The following ZKSCAN2 variants were observed in gnomAD, a reference collection of about 807,000 sequenced individuals.
ZKSCAN2 encodes the protein zinc finger protein with KRAB and SCAN domains 2.
ZKSCAN2 carries 38 observed loss-of-function variants against 90.5 expected under a neutral mutation model. The observed-to-expected ratio is 0.42, with a 90% CI of 0.32 to 0.55. The LOEUF (loss-of-function observed/expected upper bound fraction) is 0.55. ZKSCAN2 is among the 20% of genes least tolerant of loss of function. The pLI is 0.11. For synonymous variants in ZKSCAN2, 429 were observed against 421.6 expected, an observed-to-expected ratio of 1.02 and a Z score of -0.22; for missense variants, 1,167 against 1,202.6, an observed-to-expected ratio of 0.97 and a Z score of 0.44.
intron 4 of ZKSCAN2, among the ~76,000 whole-genome samples, chr16:25,247,675 G>A (rs772284635): frequency 3.9e-5 from 6 of 152,104 alleles, no homozygotes; most frequent in Non-Finnish European, 8.8e-5. Context: ...TCTCTCAGTA[G>A]CCAGTGTTGT....
chr16:25,251,343 A>T (rs1567353642), intron 4 of ZKSCAN2, among the ~76,000 whole-genome samples: 1 of 152,200 alleles, frequency 6.6e-6, no homozygotes, highest in Non-Finnish European at 1.5e-5. Context: ...GGGAAAAATA[A>T]TCTGTGACTT....
intron 6 of ZKSCAN2, among the ~76,000 whole-genome samples, chr16:25,241,014 T>A (rs1962844310): frequency 6.6e-6 from 1 of 152,198 alleles, no homozygotes; most frequent in African/African-American, 2.4e-5. Flanking sequence ...CTGGCTTATC[T>A]CCCTGAGGTT....
chr16:25,239,627 G>A lies in ZKSCAN2; in HGVS notation c.*189C>T, dbSNP rs1962816490. 1.8e-6 allele frequency: 1 copy of A among 543,154 alleles called. No homozygotes were observed. The highest frequency in any genetic ancestry group is 3.2e-6 in the Non-Finnish European group (1 of 311,742). The allele number at this position is 543,154 out of a possible 1,614,324, so 33.6% of individuals were successfully genotyped here. On this transcript the variant is annotated 3_prime_UTR_variant, in exon 7 of 7. Coordinates refer to ENST00000328086, the MANE Select transcript of ZKSCAN2 (RefSeq NM_001012981.5). ...GCCACATTCTTAAAGGAGAAGCTGA[G>A]ACACACAGAAGAGGAGGAACAGACT...
At position 25,244,220 on chromosome 16, in the gene ZKSCAN2, G is replaced by T; in HGVS notation, c.1546C>A (p.Arg516=). 6.2e-7 allele frequency: 1 copy of T among 1,614,118 alleles called. No individual in the cohort carries two copies. Residue 516 remains arginine, a synonymous_variant, in exon 6 of 7, where the codon CGG becomes AGG. Transcript: ENST00000328086. ...KTFLDILRET[R]FYEALQACHR... is the part of the protein sequence containing the mutation. ...CAGGCTTGAAGCGCTTCATAAAACC[G>T]AGTCTCACGGAGGATATCAAGAAAA...
chr16:25,244,169 C>A lies in ZKSCAN2; in HGVS notation c.1597G>T (p.Ala533Ser). 1 of 1,614,104 alleles carries A rather than the reference C, an allele frequency of 6.2e-7. No individual in the cohort carries two copies. The highest frequency in any genetic ancestry group is 8.5e-7 in the Non-Finnish European group (1 of 1,180,004). ...CACTCTCGAAGCTGTTCAGCTACAGCCCCATACAATTTGCTCTTCCGATGA... is the reference window on the plus strand; with the variant it reads ...CACTCTCGAAGCTGTTCAGCTACAGACCCATACAATTTGCTCTTCCGATGA... ...ACHRKSKLYG[A>S]VAEQLRECGF... The change falls in exon 6 of 7, where the codon GCT (alanine) becomes TCT (serine). Residue 533 changes from alanine (A) to serine (S), a missense_variant. Ala to Ser is a moderately conservative substitution (Grantham distance 99). Transcript: ENST00000328086.
chr16:25,249,581 C>G (rs1157480430), intron 4 of ZKSCAN2, among the ~76,000 whole-genome samples: 1 of 152,124 alleles, frequency 6.6e-6, no homozygotes, highest in Non-Finnish European at 1.5e-5. Context: ...CATGCCCTGC[C>G]TAGGTGATGG....
chr16:25,254,940 C>T (rs1205521821), intron 2 of ZKSCAN2, among the ~76,000 whole-genome samples: 1 of 151,648 alleles, frequency 6.6e-6, no homozygotes, highest in Non-Finnish European at 1.5e-5. Context: ...ACCACAGGTG[C>T]ACGCCAACAC....
chr16:25,240,021 G>T lies in ZKSCAN2; in HGVS notation c.2699C>A (p.Thr900Lys). The T allele has an allele frequency of 6.2e-7, 1 of 1,613,974 alleles. No individual in the cohort carries two copies. The highest frequency in any genetic ancestry group is 8.5e-7 in the Non-Finnish European group (1 of 1,179,972). ...TATTCTCCGATGTTCTCGAAATCTC[G>T]TACAGTTATTGAAACTTTTTTCACA... ...VDCEKSFNNC[T>K]RFREHRRIHT... The change falls in exon 7 of 7, where the codon ACG becomes AAG. Residue 900 changes from threonine to lysine, a missense_variant. Coordinates refer to ENST00000328086, the MANE Select transcript of ZKSCAN2 (RefSeq NM_001012981.5).
In ZKSCAN2 at chr16:25,256,837, T is replaced by C; in HGVS notation, c.291A>G (p.Leu97=). ...LLVIEQFLTI[L]PEKIQAWAQK... ...GTGCCCAAGCCTGAATCTTCTCGGG[T>C]AAAATGGTGAGAAACTGCTCAATCA... Residue 97 remains leucine, a synonymous_variant, in exon 1 of 7, where the codon TTA becomes TTG. Coordinates refer to ENST00000328086, the MANE Select transcript of ZKSCAN2 (RefSeq NM_001012981.5). 1 of 1,614,172 alleles carries C rather than the reference T, an allele frequency of 6.2e-7. No homozygotes were observed. Among genetic ancestry groups the C allele is most frequent in the Non-Finnish European group, 8.5e-7 (1 of 1,180,042 alleles).
In ZKSCAN2 at chr16:25,257,586, G is replaced by T; in HGVS notation, c.-459C>A. 1 of 894,700 alleles carries T rather than the reference G, an allele frequency of 1.1e-6. No individual in the cohort carries two copies. Among genetic ancestry groups the T allele is most frequent in the Non-Finnish European group, 1.3e-6 (1 of 747,250 alleles). 55.4% of individuals were successfully genotyped at this position (894,700 alleles called of 1,614,324 possible). A position where few individuals can be genotyped will look rare whatever the true frequency, so the allele number is the denominator to read the frequency against. ...GGCCCCGCCCGGCGCCAGGTTCCGG[G>T]CTCGGGTCACCGCAGCACGTCCAGG... On this transcript the variant is annotated 5_prime_UTR_variant, in exon 1 of 7. Coordinates refer to ENST00000328086, the MANE Select transcript of ZKSCAN2 (RefSeq NM_001012981.5).
chr16:25,246,533 C>T (rs1056214458), intron 5 of ZKSCAN2, 174 bp downstream of exon 5: 1 of 654,750 alleles, frequency 1.5e-6, no homozygotes, highest in Non-Finnish European at 2.6e-6. Flanking sequence ...ACTCTGACTG[C>T]AATGGGGGCA....
rs765885053 is a variant in ZKSCAN2 at position 25,243,935 on chromosome 16, C to A, written c.1831G>T (p.Val611Phe). The change falls in exon 6 of 7, where the codon GTT (valine) becomes TTT (phenylalanine). Residue 611 changes from valine (V) to phenylalanine (F), a missense_variant. Physicochemically the swap from Val to Phe is conservative, Grantham distance 50. Coordinates refer to ENST00000328086, the MANE Select transcript of ZKSCAN2 (RefSeq NM_001012981.5). The part of the protein sequence containing the change: ...PSRQERGGIE[V>F]EPQEPTGWEP... ...CAGCCTGTAGGTTCCTGGGGTTCAA[C>A]CTCAATACCCCCTCTTTCTTGCCTT... The A allele has an allele frequency of 2.5e-6, 4 of 1,614,024 alleles. No individual in the cohort carries two copies. The highest frequency in any genetic ancestry group is 1.7e-5 in the Admixed American group (1 of 59,986).
intron 5 of ZKSCAN2, 30 bp downstream of exon 5, chr16:25,246,677 C>T (rs1157250107): frequency 6.2e-7 from 1 of 1,611,478 alleles, no homozygotes; most frequent in Non-Finnish European, 8.5e-7. Flanking sequence ...CATCTGTTTT[C>T]CTACCAGAGA....
chr16:25,254,996 GT>G (rs1963076559), intron 2 of ZKSCAN2, among the ~76,000 whole-genome samples: 1 of 151,526 alleles, frequency 6.6e-6, no homozygotes, highest in African/African-American at 2.4e-5. Context: ...TAGAGACTGG[GT>G]TTTCCCATGT....
Position 25,257,315 on chromosome 16 carries a change from A to G in ZKSCAN2, c.-188T>C, listed in dbSNP as rs1029922132. 4.4e-6 allele frequency: 6 copies of G among 1,375,600 alleles called. No individual in the cohort carries two copies. The African/African-American group carries it at 4.4e-5, about 10-fold the overall frequency. The allele number at this position is 1,375,600 out of a possible 1,614,324, so 85.2% of individuals were successfully genotyped here. A position where few individuals can be genotyped will look rare whatever the true frequency, so the allele number is the denominator to read the frequency against. On this transcript the variant is annotated 5_prime_UTR_variant, in exon 1 of 7. Transcript: ENST00000328086. ...GCCAGGCCCTTGAAAAGGTGAACGT[A>G]TACTCTAAGATGCAAAAGCCTGGCC...
Position 25,255,376 on chromosome 16 carries a change from T to A in ZKSCAN2, c.416A>T (p.His139Leu). The change falls in exon 2 of 7, where the codon CAC (histidine) becomes CTC (leucine). Residue 139 changes from histidine (H) to leucine (L), a missense_variant. His to Leu is a moderately conservative substitution (Grantham distance 99). Coordinates refer to ENST00000328086, the MANE Select transcript of ZKSCAN2 (RefSeq NM_001012981.5). ...TCCAAGTGGGGAGTGCTTCTCCCGG[T>A]GCACGGGACTGCTGACCTGAGAAAT... Reference protein sequence around the residue: ...RLRQQVSSPVHREKHSPLGAA... With the variant: ...RLRQQVSSPVLREKHSPLGAA... 1 of 1,611,684 alleles carries A rather than the reference T, an allele frequency of 6.2e-7. No individual in the cohort carries two copies.
rs1460281264 is a variant in ZKSCAN2 at position 25,239,832 on chromosome 16, A to C, written c.2888T>G (p.Phe963Cys). Residue 963 changes from phenylalanine (F) to cysteine (C), a missense_variant, in exon 7 of 7, where the codon TTT becomes TGT. By Grantham distance (205) the Phe-to-Cys change is radical. Transcript: ENST00000328086. The stretch of plus-strand genomic sequence containing the variant: ...AGATCATCATCAAAAAGTTTTCCTA[A>C]ATTCATCAGTCTTTCCCTTATGTGG... Reference protein sequence around the residue: ...ENPHKGKTDEFRKTF With the variant: ...ENPHKGKTDECRKTF The C allele has an allele frequency of 1.3e-6, 2 of 1,581,802 alleles. No individual in the cohort carries two copies. The highest frequency in any genetic ancestry group is 8.6e-7 in the Non-Finnish European group (1 of 1,165,472).
rs143433902 is a variant in ZKSCAN2 at position 25,256,750 on chromosome 16, C to G, written c.378G>C (p.Glu126Asp). 3.4e-5 allele frequency: 55 copies of G among 1,613,100 alleles called. No individual in the cohort carries two copies. The East Asian group carries it at 8.5e-4, about 25-fold the overall frequency. Reference sequence around the variant, plus strand: ...TCACCTGCTGTCTTAGTCTTCCAGTCTCTTTCTCCAAATGCACTACCAGGG... The same window carrying G: ...TCACCTGCTGTCTTAGTCTTCCAGTGTCTTTCTCCAAATGCACTACCAGGG... The part of the protein sequence containing the change: ...AVALVVHLEK[E>D]TGRLRQQVSS... The change falls in exon 1 of 7, where the codon GAG (glutamate) becomes GAC (aspartate). Residue 126 changes from glutamate to aspartate, a missense_variant. Physicochemically the swap from Glu to Asp is conservative, Grantham distance 45. Coordinates refer to ENST00000328086, the MANE Select transcript of ZKSCAN2 (RefSeq NM_001012981.5).
At chr16:25,253,987 C>G (rs1007448021) in intron 2 of ZKSCAN2, among the ~76,000 whole-genome samples, 3 of 151,642 alleles carry the variant, frequency 2.0e-5, no homozygotes, top group African/African-American at 7.3e-5. Context: ...TAACCTGGAA[C>G]AAGACTCCAC....
Sources: allele counts gnomAD v4.1 joint callset (sites outside exome capture counted in the v4.1 genomes callset), GRCh38; gene constraint gnomAD v4.1.1; transcripts MANE v1.5; gene names NCBI Gene and HGNC (gene_info 2026-07-23, HGNC 2026-07-21).